The following TXLNB variants were observed in gnomAD, a reference collection of about 807,000 sequenced individuals.
The protein encoded by TXLNB is taxilin beta.
In TXLNB, 37 loss-of-function variants were observed where a neutral mutation model predicts 57.4. The observed-to-expected ratio is 0.64, with a 90% CI of 0.50 to 0.85. The LOEUF is 0.85. TXLNB is among the 40% of genes least tolerant of loss of function. The pLI, the probability that TXLNB is intolerant of heterozygous loss-of-function variation, is 0.00. For missense variants in TXLNB, 848 were observed against 825.6 expected, an observed-to-expected ratio of 1.03 and a Z score of -0.33; for synonymous variants, 302 against 309.6, an observed-to-expected ratio of 0.98 and a Z score of 0.26.
chr6:139,234,104 A>G, the TXLNB span: 8 of 152,198 alleles, frequency 5.3e-5, no homozygotes, highest in Non-Finnish European at 1.0e-4. Context: ...GGAACTTTGA[A>G]CTTCAGAGAG....
Position 139,262,657 on chromosome 6 carries a change from A to G in TXLNB, c.804T>C (p.Asn268=). ...QGQIEQQSER[N]MKLCQENTEL... is the part of the protein sequence containing the mutation. The stretch of plus-strand genomic sequence containing the variant: ...CTGTGTTCTCCTGACAGAGCTTCAT[A>G]TTTCGCTCACTCTGCTGCTCGATCT... The change falls in exon 5 of 10, where the codon AAT becomes AAC. Residue 268 remains asparagine, a synonymous_variant. Coordinates refer to ENST00000358430, the MANE Select transcript of TXLNB (RefSeq NM_153235.4). 1.9e-6 allele frequency: 3 copies of G among 1,614,062 alleles called. No individual in the cohort carries two copies. The highest frequency in any genetic ancestry group is 1.3e-5 in the African/African-American group (1 of 74,994).
chr6:139,246,296 G>A (rs1310670279), intron 8 of TXLNB, among the ~76,000 whole-genome samples: 1 of 152,114 alleles, frequency 6.6e-6, no homozygotes, highest in Non-Finnish European at 1.5e-5. Flanking sequence ...ATTCTGAAGT[G>A]GGAGAACTGT....
intron 2 of TXLNB, among the ~76,000 whole-genome samples, chr6:139,280,251 T>TAAAAAAAAAAAA (rs11313271): frequency 1.3e-5 from 1 of 78,208 alleles, no homozygotes; most frequent in Non-Finnish European, 2.6e-5. Flanking sequence ...ACTCTCTCTC[T>TAAAAAAAAAAAA]AAAAAAAAAA....
At chr6:139,215,497 A>G in the TXLNB span, among the ~76,000 whole-genome samples, 9 of 152,236 alleles carry the variant, frequency 5.9e-5, no homozygotes, top group African/African-American at 2.2e-4. Flanking sequence ...AAAGACTTAC[A>G]TGTTAGACCT....
At chr6:139,259,976 A>T (rs572223504) in intron 6 of TXLNB, among the ~76,000 whole-genome samples, 9 of 152,238 alleles carry the variant, frequency 5.9e-5, no homozygotes, top group East Asian at 5.8e-4. Context: ...TAATCCCAGC[A>T]CTTTGGGAGG....
the TXLNB span, chr6:139,174,604 G>A: frequency 6.4e-7 from 1 of 1,561,066 alleles, no homozygotes; most frequent in Non-Finnish European, 8.7e-7. Flanking sequence ...AGTGAATGTA[G>A]GGAAGATGCG....
At chr6:139,215,966 A>G in the TXLNB span, among the ~76,000 whole-genome samples, 1 of 151,834 alleles carries the variant, frequency 6.6e-6, no homozygotes, top group Non-Finnish European at 1.5e-5. Flanking sequence ...TTAAAAAATC[A>G]GGAAACAACA....
chr6:139,181,548 A>C, the TXLNB span, among the ~76,000 whole-genome samples: 1 of 152,256 alleles, frequency 6.6e-6, no homozygotes. Flanking sequence ...TTTTACCCAA[A>C]AGTGACCCCA....
At chr6:139,238,749 G>A (rs973460700), downstream of TXLNB, among the ~76,000 whole-genome samples, 7 of 152,164 alleles carry the variant, frequency 4.6e-5, no homozygotes, top group Non-Finnish European at 8.8e-5. Context: ...TGCCTCACTC[G>A]CCTGTGAAAC....
Position 139,285,958 on chromosome 6 carries a change from C to T in TXLNB, c.424+2518G>A, listed in dbSNP as rs1263200464. The stretch of plus-strand genomic sequence containing the variant: ...GCCTCTATCAGTTTCGAAAATACCA[C>T]CTAGCCTGTGTTTTCTTGTCAGATT... On this transcript the variant is annotated intron_variant, in intron 2 of 9. Coordinates refer to ENST00000358430, the MANE Select transcript of TXLNB (RefSeq NM_153235.4). Among the ~76,000 whole-genome samples, 3 of 145,892 alleles carry T rather than the reference C, an allele frequency of 2.1e-5. 1 individual carries two copies. The highest frequency in any genetic ancestry group is 3.1e-5 in the Non-Finnish European group (2 of 65,488).
At chr6:139,215,469 A>AC in the TXLNB span, among the ~76,000 whole-genome samples, 1 of 152,246 alleles carries the variant, frequency 6.6e-6, no homozygotes, top group Non-Finnish European at 1.5e-5. Flanking sequence ...TTATACAAAA[A>AC]TTAATTCAAG....
chr6:139,193,241 C>CTTTCTTTT, the TXLNB span, among the ~76,000 whole-genome samples: 52 of 101,238 alleles, frequency 5.1e-4, no homozygotes, highest in South Asian at 7.7e-3. Context: ...CTTTGACCCT[C>CTTTCTTTT]TTTTTTTTTT....
downstream of TXLNB, among the ~76,000 whole-genome samples, chr6:139,236,043 A>T (rs1582981501): frequency 1.3e-5 from 2 of 151,770 alleles, no homozygotes; most frequent in South Asian, 4.1e-4. Flanking sequence ...ACACCTTCCC[A>T]CTCCTTCCCC....
At chr6:139,206,673 CAAA>C in the TXLNB span, among the ~76,000 whole-genome samples, 1 of 118,794 alleles carries the variant, frequency 8.4e-6, no homozygotes. Context: ...GACTCCATCT[CAAA>C]AAAAAAAAAA....
At position 139,240,660 on chromosome 6, in the gene TXLNB, G is replaced by T. The variant is rs375806536; in HGVS notation, c.*1866C>A. 2.3e-4 allele frequency: 35 copies of T among 152,714 alleles called. No individual in the cohort carries two copies. The highest frequency in any genetic ancestry group is 8.4e-4 in the African/African-American group (35 of 41,558). The allele number at this position is 152,714 out of a possible 1,614,324, so 9.5% of individuals were successfully genotyped here. ...GTTGAATTTGGCTGGATACCCTGTG[G>T]TTATAATATTTTAAGCCTTTAAAAA... On this transcript the variant is annotated 3_prime_UTR_variant, in exon 10 of 10. Transcript: ENST00000358430.
At chr6:139,192,444 TTG>T in the TXLNB span, among the ~76,000 whole-genome samples, 1 of 152,236 alleles carries the variant, frequency 6.6e-6, no homozygotes, top group Non-Finnish European at 1.5e-5. Context: ...TTATTGTTTA[TTG>T]TGTGTCTCTT....
chr6:139,193,693 C>T, the TXLNB span, among the ~76,000 whole-genome samples: 1 of 150,540 alleles, frequency 6.6e-6, no homozygotes, highest in East Asian at 1.9e-4. Flanking sequence ...TTTGCTCTGT[C>T]GCCAGGCTGG....
chr6:139,230,737 A>G, the TXLNB span, among the ~76,000 whole-genome samples: 1 of 152,226 alleles, frequency 6.6e-6, no homozygotes, highest in Non-Finnish European at 1.5e-5. Context: ...CTATACTTGC[A>G]GCCTCACACA....
the TXLNB span, among the ~76,000 whole-genome samples, chr6:139,300,768 G>A: frequency 1.3e-5 from 2 of 152,056 alleles, no homozygotes; most frequent in Non-Finnish European, 2.9e-5. Flanking sequence ...GGTGGCACGC[G>A]GCTGTAATCC....
Sources: allele counts gnomAD v4.1 joint callset (sites outside exome capture counted in the v4.1 genomes callset), GRCh38; gene constraint gnomAD v4.1.1; transcripts MANE v1.5; gene names NCBI Gene and HGNC (gene_info 2026-07-23, HGNC 2026-07-21).